The following MAD1L1 variants were observed in gnomAD, a reference collection of about 807,000 sequenced individuals.
The protein encoded by MAD1L1 is mitotic arrest deficient 1 like 1, also known as mitotic spindle assembly checkpoint protein MAD1.
Under a neutral mutation model 96.9 loss-of-function variants are expected in MAD1L1, and 95 were observed. That is an observed-to-expected ratio of 0.98 (90% confidence interval 0.83 to 1.16). The LOEUF (loss-of-function observed/expected upper bound fraction) is 1.16. Among genes scored for constraint, MAD1L1 ranks in the 50% most tolerant of loss-of-function variants. The pLI, the probability that MAD1L1 is intolerant of heterozygous loss-of-function variation, is 0.00. For missense variants in MAD1L1, 1,007 were observed against 954.4 expected (o/e 1.06, Z -0.73); for synonymous variants, 473 against 396.6 (o/e 1.19, Z -2.29).
intron 16 of MAD1L1, among the ~76,000 whole-genome samples, chr7:1,953,507 C>T (rs887943381): frequency 3.3e-5 from 5 of 152,230 alleles, no homozygotes; most frequent in Admixed American, 6.5e-5. Flanking sequence ...CATCGAGGAA[C>T]GGCTGGAGCA....
At chr7:2,177,458 C>T (rs1490376925) in intron 10 of MAD1L1, among the ~76,000 whole-genome samples, 1 of 152,164 alleles carries the variant, frequency 6.6e-6, no homozygotes, top group East Asian at 1.9e-4. Flanking sequence ...AGACTGTTTT[C>T]TTCATAAAAA....
At chr7:1,895,551 C>T (rs1307913732) in intron 18 of MAD1L1, among the ~76,000 whole-genome samples, 2 of 152,392 alleles carry the variant, frequency 1.3e-5, no homozygotes, top group South Asian at 2.1e-4. Context: ...CATGAAAACA[C>T]AGTGCATGTC....
chr7:2,002,562 G>A (rs1029018595), intron 13 of MAD1L1, among the ~76,000 whole-genome samples: 1 of 152,170 alleles, frequency 6.6e-6, no homozygotes, highest in Non-Finnish European at 1.5e-5. Context: ...TGACCTTCCA[G>A]GCAGAGGCCC....
At chr7:2,216,818 C>G (rs2114996240) in intron 7 of MAD1L1, among the ~76,000 whole-genome samples, 1 of 152,350 alleles carries the variant, frequency 6.6e-6, no homozygotes, top group Admixed American at 6.5e-5. Context: ...CTTCGCTAAA[C>G]TGCCCCAGGT....
At chr7:2,162,138 C>A (rs1273911959) in intron 10 of MAD1L1, among the ~76,000 whole-genome samples, 1 of 152,052 alleles carries the variant, frequency 6.6e-6, no homozygotes, top group East Asian at 1.9e-4. Flanking sequence ...GCGGTTTTGT[C>A]GAATAGAAAA....
At chr7:2,187,715 T>A (rs1791528077) in intron 10 of MAD1L1, among the ~76,000 whole-genome samples, 1 of 152,236 alleles carries the variant, frequency 6.6e-6, no homozygotes. Flanking sequence ...AAGACATTTC[T>A]GGTGCATACT....
chr7:1,816,294 C>G (rs1322403072), intron 18 of MAD1L1, 66 bp from the exon 19 acceptor site: 6 of 1,510,444 alleles, frequency 4.0e-6, no homozygotes, highest in Non-Finnish European at 5.4e-6. Context: ...TCTCCCCTCC[C>G]TCCCTACACA....
intron 11 of MAD1L1, among the ~76,000 whole-genome samples, chr7:2,145,693 G>A (rs903875602): frequency 7.2e-5 from 11 of 152,158 alleles, no homozygotes; most frequent in Non-Finnish European, 1.3e-4. Context: ...CAGGTTGCAC[G>A]GCAAGCTGAC....
At chr7:1,938,739 C>T (rs563603455) in intron 16 of MAD1L1, among the ~76,000 whole-genome samples, 45 of 88,740 alleles carry the variant, frequency 5.1e-4, no homozygotes, top group African/African-American at 1.9e-3. Context: ...GGGCCAGAGG[C>T]GCGCACGCAC....
intron 11 of MAD1L1, among the ~76,000 whole-genome samples, chr7:2,120,582 T>G (rs1787929309): frequency 6.6e-6 from 1 of 152,258 alleles, no homozygotes; most frequent in Non-Finnish European, 1.5e-5. Flanking sequence ...CCCACGGGTC[T>G]GACTCTTGCC....
chr7:1,967,980 G>A (rs1432138668), intron 15 of MAD1L1, among the ~76,000 whole-genome samples: 5 of 152,192 alleles, frequency 3.3e-5, no homozygotes, highest in South Asian at 4.2e-4. Flanking sequence ...CACAGAGCAC[G>A]TGGCAAACTC....
intron 3 of MAD1L1, among the ~76,000 whole-genome samples, chr7:2,228,976 G>A (rs1273057037): frequency 4.6e-5 from 7 of 150,602 alleles, no homozygotes; most frequent in Middle Eastern, 3.5e-3. Context: ...CTCATGATCC[G>A]CCCACCTCAG....
chr7:1,876,294 T>C (rs1785384501), intron 18 of MAD1L1, among the ~76,000 whole-genome samples: 1 of 151,952 alleles, frequency 6.6e-6, no homozygotes, highest in Non-Finnish European at 1.5e-5. Flanking sequence ...CCTCACGTGG[T>C]CAACTGCAGC....
chr7:2,148,992 C>G (rs140488028), intron 11 of MAD1L1, among the ~76,000 whole-genome samples, 160 bp downstream of exon 11: 1 of 152,142 alleles, frequency 6.6e-6, no homozygotes, highest in Non-Finnish European at 1.5e-5. Context: ...GGGGCAAACC[C>G]TTCCCTCAAA....
chr7:1,992,901 T>C (rs549810219), intron 14 of MAD1L1, among the ~76,000 whole-genome samples: 25 of 152,010 alleles, frequency 1.6e-4, no homozygotes, highest in African/African-American at 5.5e-4. Flanking sequence ...TTATGGAAGA[T>C]ACACGTAGCT....
intron 17 of MAD1L1, among the ~76,000 whole-genome samples, chr7:1,900,458 G>A (rs964952009): frequency 2.6e-5 from 4 of 152,164 alleles, no homozygotes; most frequent in Admixed American, 2.0e-4. Context: ...TGGCAAAGAC[G>A]GCCCTGGGGG....
At chr7:2,077,135 G>C (rs989564667) in intron 11 of MAD1L1, among the ~76,000 whole-genome samples, 2 of 152,220 alleles carry the variant, frequency 1.3e-5, no homozygotes, top group Non-Finnish European at 2.9e-5. Flanking sequence ...GACATGGTGA[G>C]CTCGCAGCAC....
chr7:2,087,497 A>C (rs937989314), intron 11 of MAD1L1, among the ~76,000 whole-genome samples: 5 of 152,156 alleles, frequency 3.3e-5, no homozygotes, highest in Admixed American at 3.3e-4. Flanking sequence ...CCGAGATCGC[A>C]CCACTGCACT....
chr7:2,011,587 G>A (rs551610671), intron 13 of MAD1L1, among the ~76,000 whole-genome samples: 29 of 152,320 alleles, frequency 1.9e-4, no homozygotes, highest in African/African-American at 6.7e-4. Context: ...TGGTCCCGCT[G>A]AGGCAGAAAG....
Sources: gnomAD v4.1 joint callset for allele counts (sites outside exome capture counted in the v4.1 genomes callset) on GRCh38, gnomAD v4.1.1 for gene constraint, MANE v1.5 for transcripts, NCBI Gene and HGNC (gene_info 2026-07-23, HGNC 2026-07-21) for gene names.